Variants in SRGAP2C observed in about 807,000 individuals in gnomAD.
SRGAP2C encodes the protein SLIT-ROBO Rho GTPase activating protein 2C.
In SRGAP2C, 15 loss-of-function variants were observed where a neutral mutation model predicts 25.1. The observed-to-expected ratio is 0.60, with a 90% CI of 0.40 to 0.92. The LOEUF (loss-of-function observed/expected upper bound fraction) is 0.92, where lower values mean the gene tolerates loss of function less well. Among genes scored for constraint, SRGAP2C ranks in the 40% least tolerant of loss-of-function variants. SRGAP2C has a pLI of 0.00. For synonymous variants in SRGAP2C, 44 were observed against 96.6 expected (o/e 0.46, Z 3.19); for missense variants, 144 against 264.4 (o/e 0.54, Z 3.16).
At chr1:121,381,969 AT>A (rs1483884269) in intron 7 of SRGAP2C, among the ~76,000 whole-genome samples, 7 of 148,806 alleles carry the variant, frequency 4.7e-5, no homozygotes, top group African/African-American at 1.7e-4. Flanking sequence ...CTCTTTTTGC[AT>A]TTTGTTGTAA....
chr1:121,185,418 T>A, intron 1 of SRGAP2C: 1 of 946,898 alleles, frequency 1.1e-6, no homozygotes, highest in Admixed American at 3.3e-5. Context: ...CCTCTCCCTT[T>A]CCTCCGCACA....
intron 2 of SRGAP2C, among the ~76,000 whole-genome samples, chr1:121,215,852 G>GA (rs1286405469): frequency 3.3e-5 from 5 of 149,588 alleles, no homozygotes; most frequent in Non-Finnish European, 5.9e-5. Flanking sequence ...GCCTCAACCA[G>GA]AAAAAAATTC....
intron 4 of SRGAP2C, chr1:121,360,957 G>A (rs1659178341): frequency 7.6e-6 from 1 of 131,240 alleles, no homozygotes; most frequent in African/African-American, 2.9e-5. Context: ...TTCTTTTTTG[G>A]AAAACTGCTG....
chr1:121,294,672 G>T (rs1196341487), intron 3 of SRGAP2C, among the ~76,000 whole-genome samples: 65 of 112,678 alleles, frequency 5.8e-4, no homozygotes, highest in Non-Finnish European at 9.3e-4. Context: ...GCTTTTAATA[G>T]CTCATTTTTT....
intron 4 of SRGAP2C, among the ~76,000 whole-genome samples, chr1:121,349,459 AG>A (rs1658849768): frequency 6.9e-6 from 1 of 145,398 alleles, no homozygotes; most frequent in Admixed American, 6.9e-5. Context: ...CATATGTCTC[AG>A]GAACTAGATG....
At chr1:121,273,825 C>G (rs1404422062) in intron 2 of SRGAP2C, among the ~76,000 whole-genome samples, 1 of 151,808 alleles carries the variant, frequency 6.6e-6, no homozygotes, top group Non-Finnish European at 1.5e-5. Flanking sequence ...ATAGGTCACT[C>G]CAAGTCTCAT....
Position 121,372,904 on chromosome 1 carries a change from C to T in SRGAP2C, c.487-1067C>T, listed in dbSNP as rs1428400293. 3.6e-3 allele frequency among the ~76,000 whole-genome samples: 263 copies of T among 72,924 alleles called. 84 individuals carry two copies. Among genetic ancestry groups the T allele is most frequent in the Non-Finnish European group, 5.8e-3 (206 of 35,822 alleles). 47.8% of individuals were successfully genotyped at this position (72,924 alleles called of 152,430 possible). On this transcript the variant is annotated intron_variant, in intron 5 of 9. Coordinates refer to ENST00000367123, the MANE Select transcript of SRGAP2C (RefSeq NM_001329984.2). ...GCACACACACACACACACACACACACATGCACACACACACCCAACTTCTAC... is the reference window on the plus strand; with the variant it reads ...GCACACACACACACACACACACACATATGCACACACACACCCAACTTCTAC...
intron 2 of SRGAP2C, among the ~76,000 whole-genome samples, chr1:121,238,423 C>G (rs1210303873): frequency 4.6e-5 from 7 of 151,260 alleles, no homozygotes; most frequent in African/African-American, 1.7e-4. Context: ...TGCTGAGTAC[C>G]TGAGATAAAA....
At chr1:121,385,656 C>A (rs1452741911) in intron 8 of SRGAP2C, among the ~76,000 whole-genome samples, 7 of 152,128 alleles carry the variant, frequency 4.6e-5, no homozygotes, top group Admixed American at 4.6e-4. Flanking sequence ...ATCCAGATGT[C>A]TCTCTGCAGA....
intron 2 of SRGAP2C, among the ~76,000 whole-genome samples, chr1:121,226,143 T>C (rs1655661593): frequency 6.7e-6 from 1 of 149,684 alleles, no homozygotes; most frequent in South Asian, 2.1e-4. Flanking sequence ...TCCATTTCTC[T>C]AAATGGGAAA....
chr1:121,385,056 C>A (rs1257199097), intron 8 of SRGAP2C, among the ~76,000 whole-genome samples: 2 of 151,752 alleles, frequency 1.3e-5, no homozygotes, highest in Non-Finnish European at 2.9e-5. Context: ...GAGGGTGGGT[C>A]ATTCTTGGCC....
chr1:121,263,175 G>A (rs1473177216), intron 2 of SRGAP2C, among the ~76,000 whole-genome samples: 9 of 150,660 alleles, frequency 6.0e-5, no homozygotes, highest in African/African-American at 9.7e-5. Context: ...CCAACATAGC[G>A]AAATCCTGTC....
intron 5 of SRGAP2C, among the ~76,000 whole-genome samples, chr1:121,370,985 A>G (rs1659472256): frequency 6.6e-6 from 1 of 151,138 alleles, no homozygotes; most frequent in African/African-American, 2.4e-5. Flanking sequence ...TTTTTTTCCT[A>G]TTATTTTAGT....
intron 2 of SRGAP2C, among the ~76,000 whole-genome samples, chr1:121,238,618 T>C (rs1250147639): frequency 1.3e-5 from 2 of 151,816 alleles, no homozygotes; most frequent in Non-Finnish European, 2.9e-5. Context: ...TTTTACTTTT[T>C]TTTTTTCTTT....
At position 121,265,881 on chromosome 1, in the gene SRGAP2C, G is replaced by T. The variant is rs1171283228; in HGVS notation, c.68-18922G>T. Reference sequence around the variant, plus strand: ...GGTGAAAATCATCTAGATGTGAATTGGATGGCTTGGTACTGTTTTTTATGC... The same window carrying T: ...GGTGAAAATCATCTAGATGTGAATTTGATGGCTTGGTACTGTTTTTTATGC... On this transcript the variant is annotated intron_variant, in intron 2 of 9. Coordinates refer to ENST00000367123, the MANE Select transcript of SRGAP2C (RefSeq NM_001329984.2). Among the ~76,000 whole-genome samples, 2 of 151,780 alleles carry T rather than the reference G, an allele frequency of 1.3e-5. 1 individual carries two copies. Among genetic ancestry groups the T allele is most frequent in the Non-Finnish European group, 2.9e-5 (2 of 67,872 alleles).
chr1:121,269,900 A>G (rs1656898212), intron 2 of SRGAP2C, among the ~76,000 whole-genome samples: 2 of 150,804 alleles, frequency 1.3e-5, no homozygotes, highest in Non-Finnish European at 3.0e-5. Flanking sequence ...CGTGTTTTTA[A>G]ACTTCCTTGC....
At chr1:121,335,285 G>A (rs1392845499) in intron 4 of SRGAP2C, among the ~76,000 whole-genome samples, 3 of 146,132 alleles carry the variant, frequency 2.1e-5, no homozygotes, top group Non-Finnish European at 4.5e-5. Flanking sequence ...AGTTTGCAGT[G>A]AGCTGAGATT....
chr1:121,195,329 G>A (rs1654804641), intron 2 of SRGAP2C, among the ~76,000 whole-genome samples: 2 of 151,222 alleles, frequency 1.3e-5, no homozygotes, highest in Non-Finnish European at 3.0e-5. Context: ...AGAATCGCTT[G>A]AATCCAGGAG....
intron 3 of SRGAP2C, among the ~76,000 whole-genome samples, chr1:121,291,188 G>A (rs1657484599): frequency 7.9e-6 from 1 of 126,126 alleles, no homozygotes; most frequent in African/African-American, 3.0e-5. Flanking sequence ...AAATAGGACT[G>A]GATAACTGAC....
Sources: gnomAD v4.1 joint callset for allele counts (sites outside exome capture counted in the v4.1 genomes callset) on GRCh38, gnomAD v4.1.1 for gene constraint, MANE v1.5 for transcripts, NCBI Gene and HGNC (gene_info 2026-07-23, HGNC 2026-07-21) for gene names.